The following MYBPH variants were observed in gnomAD, a reference collection of about 807,000 sequenced individuals.
MYBPH encodes the protein myosin-binding protein H.
In MYBPH, 49 loss-of-function variants were observed where a neutral mutation model predicts 53.6. That is an observed-to-expected ratio of 0.91 (90% CI 0.73 to 1.16). The LOEUF (loss-of-function observed/expected upper bound fraction) is 1.16, where lower values mean the gene tolerates loss of function less well. MYBPH is among the 50% of genes most tolerant of loss of function. The probability of loss-of-function intolerance (pLI) is 0.00; values close to 1 mark genes in which losing one functional copy is unlikely to be tolerated. For missense variants in MYBPH, 558 were observed against 624.1 expected, an observed-to-expected ratio of 0.89 and a Z score of 1.13; for synonymous variants, 239 against 249.6, an observed-to-expected ratio of 0.96 and a Z score of 0.40.
At chr1:203,169,438 G>A (rs768528334) in intron 7 of MYBPH, 49 bp from the exon 8 acceptor site, 79 of 1,549,418 alleles carry the variant, frequency 5.1e-5, no homozygotes, top group Non-Finnish European at 6.6e-5. Context: ...CAGGAGTGAG[G>A]GAGACCTGTC....
At position 203,175,313 on chromosome 1, in the gene MYBPH, A is replaced by G; in HGVS notation, c.340+14T>C. The G allele has an allele frequency of 6.6e-7, 1 of 1,515,720 alleles. No homozygotes were observed. 93.9% of individuals were successfully genotyped at this position (1,515,720 alleles called of 1,614,324 possible). On this transcript the variant is annotated intron_variant, in intron 2 of 10. Coordinates refer to ENST00000255416, the MANE Select transcript of MYBPH (RefSeq NM_004997.3). ...CCTCCCCTGGGTGTATGCAAGACTT[A>G]GCCCAGCACTCACCTCCCTCTCTGC...
chr1:203,176,890 C>T (rs1655821365), upstream of MYBPH, among the ~76,000 whole-genome samples: 2 of 152,148 alleles, frequency 1.3e-5, no homozygotes, highest in Non-Finnish European at 1.5e-5. Context: ...ACACATGCCC[C>T]AGGAGACATG....
upstream of MYBPH, chr1:203,175,829 C>T: frequency 6.8e-7 from 1 of 1,480,240 alleles, no homozygotes; most frequent in Non-Finnish European, 9.3e-7. Context: ...TCTAGGGTGC[C>T]TGGGACACCT....
chr1:203,168,901 C>T lies in MYBPH; in HGVS notation c.1417+5G>A. The T allele has an allele frequency of 6.2e-7, 1 of 1,613,832 alleles. No homozygotes were observed. Among genetic ancestry groups the T allele is most frequent in the Non-Finnish European group, 8.5e-7 (1 of 1,179,896 alleles). On this transcript the variant is annotated splice_donor_5th_base_variant and intron_variant, in intron 9 of 10. Transcript: ENST00000255416. ...ACTCCTGTTCTCCCGTCCTCAAACTCTCACCTTTGACCTCCAGCCGGCAGT... is the reference window on the plus strand; with the variant it reads ...ACTCCTGTTCTCCCGTCCTCAAACTTTCACCTTTGACCTCCAGCCGGCAGT...
chr1:203,169,125 G>T lies in MYBPH; in HGVS notation c.1231-33C>A, dbSNP rs1449220976. On this transcript the variant is annotated intron_variant, in intron 8 of 10. Transcript: ENST00000255416. Reference sequence around the variant, plus strand: ...ACATGGTCAGAAGAGAGCTGGGGAGGTATGGACTGGGGCGGGGCTCTCAAC... The same window carrying T: ...ACATGGTCAGAAGAGAGCTGGGGAGTTATGGACTGGGGCGGGGCTCTCAAC... 4 of 1,610,024 alleles carry T rather than the reference G, an allele frequency of 2.5e-6. No homozygotes were observed. In the Middle Eastern group the frequency reaches 5.0e-4, roughly 200 times the overall value.
chr1:203,169,056 G>A lies in MYBPH; in HGVS notation c.1267C>T (p.Gln423Ter). 1 of 1,613,974 alleles carries A rather than the reference G, an allele frequency of 6.2e-7. No homozygotes were observed. The highest frequency in any genetic ancestry group is 8.5e-7 in the Non-Finnish European group (1 of 1,180,024). Residue 423 changes from glutamine to a stop codon, truncating the protein, a stop_gained, in exon 9 of 11, where the codon CAG becomes TAG. Transcript: ENST00000255416. LOFTEE classifies it high-confidence loss of function. ...AGGGCGCGGTATTTGGGGTTGCCCT[G>A]GATCTCCATCTTGTTTTTCATCCAG... ...IIWMKNKMEI[Q>*]GNPKYRALSE...
chr1:203,174,659 G>A, intron 2 of MYBPH, 62 bp from the exon 3 acceptor site: 2 of 1,404,602 alleles, frequency 1.4e-6, no homozygotes, highest in South Asian at 3.2e-5. Flanking sequence ...CTCTCCATGG[G>A]GCTTCTTTTC....
chr1:203,169,335 GA>G lies in MYBPH; in HGVS notation c.1147del (p.Ser383HisfsTer34). ...GTGGTCAGCCAGGGGCTGGGTGAAT[GA>G]GGGGGCTTCTGAGAAGTCTCGCTCA... ...FIERDFSEAP[S>X]FTQPLADHTS... On this transcript the variant is annotated frameshift_variant, in exon 8 of 11. Coordinates refer to ENST00000255416, the MANE Select transcript of MYBPH (RefSeq NM_004997.3). LOFTEE classifies it high-confidence loss of function. 6.2e-7 allele frequency: 1 copy of G among 1,610,998 alleles called. No homozygotes were observed. Among genetic ancestry groups the G allele is most frequent in the Non-Finnish European group, 8.5e-7 (1 of 1,178,374 alleles).
chr1:203,170,684 A>G (rs1250610363), intron 6 of MYBPH, among the ~76,000 whole-genome samples: 2 of 152,150 alleles, frequency 1.3e-5, no homozygotes, highest in African/African-American at 2.4e-5. Context: ...AGTGTGGCCC[A>G]TGGATGTGCA....
In MYBPH at chr1:203,168,926, T is replaced by C. The variant is rs1441628883; in HGVS notation, c.1397A>G (p.Asp466Gly). 5 of 1,614,034 alleles carry C rather than the reference T, an allele frequency of 3.1e-6. No homozygotes were observed. Among genetic ancestry groups the C allele is most frequent in the Non-Finnish European group, 4.2e-6 (5 of 1,180,010 alleles). The change falls in exon 9 of 11, where the codon GAC becomes GGC. Residue 466 changes from aspartate (D) to glycine (G), a missense_variant. Coordinates refer to ENST00000255416, the MANE Select transcript of MYBPH (RefSeq NM_004997.3). ...AINVLGEASV[D>G]CRLEVKASAA... ...CTCACCTTTGACCTCCAGCCGGCAGTCCACAGATGCCTCCCCCAGCACATT... is the reference window on the plus strand; with the variant it reads ...CTCACCTTTGACCTCCAGCCGGCAGCCCACAGATGCCTCCCCCAGCACATT...
At chr1:203,173,664 C>T (rs1305464594) in intron 3 of MYBPH, among the ~76,000 whole-genome samples, 1 of 152,226 alleles carries the variant, frequency 6.6e-6, no homozygotes, top group Non-Finnish European at 1.5e-5. Context: ...TACCAGAAAT[C>T]ATCCATCCCC....
chr1:203,169,272 C>G lies in MYBPH; in HGVS notation c.1211G>C (p.Ser404Thr), dbSNP rs1378048324. 1.2e-6 allele frequency: 2 copies of G among 1,611,596 alleles called. No homozygotes were observed. Among genetic ancestry groups the G allele is most frequent in the Admixed American group, 3.3e-5 (2 of 59,856 alleles). The change falls in exon 8 of 11, where the codon AGT becomes ACT. Residue 404 changes from serine (S) to threonine (T), a missense_variant. Transcript: ENST00000255416. ...CCTCACCTTGGGTGAAGCTCGGACA[C>G]TGCAGAACAACTGGGTGCTGTAGCC... Reference protein sequence around the residue: ...TPGYSTQLFCSVRASPKPKII... With the variant: ...TPGYSTQLFCTVRASPKPKII...
Position 203,175,691 on chromosome 1 carries a change from G to A in MYBPH, c.65C>T (p.Ala22Val), listed in dbSNP as rs2102194190. 3 of 1,614,038 alleles carry A rather than the reference G, an allele frequency of 1.9e-6. No individual in the cohort carries two copies. Among genetic ancestry groups the A allele is most frequent in the Non-Finnish European group, 2.5e-6 (3 of 1,179,994 alleles). The change falls in exon 1 of 11, where the codon GCC becomes GTC. Residue 22 changes from alanine to valine, a missense_variant. Transcript: ENST00000255416. Reference protein sequence around the residue: ...CSPEETASESAKVPTAEPPGE... With the variant: ...CSPEETASESVKVPTAEPPGE... ...GGGAGGCTCTGCTGTGGGCACCTTG[G>A]CAGATTCAGATGCGGTCTCCTCTGG...
chr1:203,174,470 C>A lies in MYBPH; in HGVS notation c.468G>T (p.Pro156=). ...SAVSSAGAGP[P]AMLDQPIHIR... ...TGTGGATGGGCTGGTCCAGCATGGC[C>A]GGCGGGCCAGCCCCTGCAGAACTCA... Residue 156 remains proline (P), a synonymous_variant, in exon 3 of 11, where the codon CCG becomes CCT. Coordinates refer to ENST00000255416, the MANE Select transcript of MYBPH (RefSeq NM_004997.3). 1.2e-6 allele frequency: 2 copies of A among 1,610,266 alleles called. No homozygotes were observed. Among genetic ancestry groups the A allele is most frequent in the Non-Finnish European group, 1.7e-6 (2 of 1,177,030 alleles).
upstream of MYBPH, among the ~76,000 whole-genome samples, chr1:203,176,465 G>A (rs754937035): frequency 6.6e-5 from 10 of 152,136 alleles, no homozygotes; most frequent in South Asian, 2.1e-4. Flanking sequence ...TAAGGAGCTC[G>A]TCTCCCCTGA....
In MYBPH at chr1:203,171,434, C is replaced by T; in HGVS notation, c.742G>A (p.Val248Met). The change falls in exon 5 of 11, where the codon GTG becomes ATG. Residue 248 changes from valine (V) to methionine (M), a missense_variant. Val to Met is a conservative substitution (Grantham distance 21). Transcript: ENST00000255416. This position sits in a 1 kb window ranked among gnomAD's most constrained non-coding sequence, Gnocchi z 4.2. ...TTGGCCTCCAGGTCTTCCACGCGCA[C>T]AGTGAGCTCGTAGCGGCCAGAGTCG... ...RSDSGRYELT[V>M]RVEDLEAKAV... 6.2e-7 allele frequency: 1 copy of T among 1,614,024 alleles called. No homozygotes were observed. The highest frequency in any genetic ancestry group is 1.1e-5 in the South Asian group (1 of 91,078).
chr1:203,175,351 C>T lies in MYBPH; in HGVS notation c.316G>A (p.Val106Met). 4.6e-6 allele frequency: 7 copies of T among 1,525,176 alleles called. No individual in the cohort carries two copies. The highest frequency in any genetic ancestry group is 6.1e-6 in the Non-Finnish European group (7 of 1,139,602). 94.5% of individuals were successfully genotyped at this position (1,525,176 alleles called of 1,614,324 possible). A position where few individuals can be genotyped will look rare whatever the true frequency, so the allele number is the denominator to read the frequency against. Residue 106 changes from valine to methionine, a missense_variant, in exon 2 of 11, where the codon GTG becomes ATG. Coordinates refer to ENST00000255416, the MANE Select transcript of MYBPH (RefSeq NM_004997.3). Reference protein sequence around the residue: ...RLGRLGLQGYVLELCREGASE... With the variant: ...RLGRLGLQGYMLELCREGASE... ...CCTCCCTCTCTGCAGAGCTCCAGCA[C>T]ATAGCCCTGGAGGCCCAGCCTCCCC...
chr1:203,172,205 C>T (rs1234580087), intron 3 of MYBPH, among the ~76,000 whole-genome samples, 165 bp from the exon 4 acceptor site: 1 of 152,072 alleles, frequency 6.6e-6, no homozygotes, highest in Non-Finnish European at 1.5e-5. Flanking sequence ...GAAGCTCTCA[C>T]TCCTGAGGTC....
Position 203,175,809 on chromosome 1 carries a change from G to A in MYBPH, c.-54C>T. ...AGTGTGCAGGGGTCAGCCGTTGGGGGGCCTGGGCCTCTAGGGTGCCTGGGA... is the reference window on the plus strand; with the variant it reads ...AGTGTGCAGGGGTCAGCCGTTGGGGAGCCTGGGCCTCTAGGGTGCCTGGGA... On this transcript the variant is annotated 5_prime_UTR_variant, in exon 1 of 11. Coordinates refer to ENST00000255416, the MANE Select transcript of MYBPH (RefSeq NM_004997.3). 3.2e-6 allele frequency: 5 copies of A among 1,585,648 alleles called. No individual in the cohort carries two copies. The highest frequency in any genetic ancestry group is 4.3e-6 in the Non-Finnish European group (5 of 1,159,818).
Sources: gnomAD v4.1 joint callset for allele counts (sites outside exome capture counted in the v4.1 genomes callset) on GRCh38, gnomAD v4.1.1 for gene constraint, Gnocchi (gnomAD v3.1) non-coding constraint, MANE v1.5 for transcripts, NCBI Gene and HGNC (gene_info 2026-07-23, HGNC 2026-07-21) for gene names.